RANBP17: variants seen among roughly 807,000 people sequenced by gnomAD.
RANBP17 encodes the protein RAN binding protein 17.
A neutral mutation model predicts 141.2 loss-of-function variants in RANBP17; 158 were observed. That is an observed-to-expected ratio of 1.12 (90% confidence interval 0.98 to 1.28). The LOEUF (loss-of-function observed/expected upper bound fraction) is 1.28, where lower values mean the gene tolerates loss of function less well. Ranked by LOEUF, RANBP17 falls within the 50% of genes most tolerant of loss-of-function variation. The pLI, the probability that RANBP17 is intolerant of heterozygous loss-of-function variation, is 0.00. For synonymous variants in RANBP17, 430 were observed against 450.0 expected (o/e 0.96, Z 0.56); for missense variants, 1,438 against 1,290.7 (o/e 1.11, Z -1.75).
At chr5:171,209,390 A>G (rs1372463824) in intron 20 of RANBP17, among the ~76,000 whole-genome samples, 2 of 152,208 alleles carry the variant, frequency 1.3e-5, no homozygotes, top group African/African-American at 4.8e-5. Context: ...TGACTAAGAA[A>G]ATCAGAATTG....
At chr5:171,234,594 T>C (rs1764419265) in intron 22 of RANBP17, among the ~76,000 whole-genome samples, 1 of 152,176 alleles carries the variant, frequency 6.6e-6, no homozygotes, top group Non-Finnish European at 1.5e-5. Context: ...GTGGGAGTGG[T>C]CAGATTCTGG....
At chr5:170,936,057 A>G (rs1231240377) in intron 12 of RANBP17, among the ~76,000 whole-genome samples, 1 of 152,180 alleles carries the variant, frequency 6.6e-6, no homozygotes, top group Admixed American at 6.5e-5. Flanking sequence ...TTGTGCTAGC[A>G]GTGAGCGAGG....
At chr5:171,056,663 A>C (rs541816458) in intron 14 of RANBP17, among the ~76,000 whole-genome samples, 2 of 152,138 alleles carry the variant, frequency 1.3e-5, no homozygotes, top group Non-Finnish European at 2.9e-5. Flanking sequence ...TTTGGACTTT[A>C]GGGGACCTAA....
At chr5:171,241,992 T>TC (rs936840393) in intron 23 of RANBP17, among the ~76,000 whole-genome samples, 11 of 151,652 alleles carry the variant, frequency 7.3e-5, no homozygotes, top group African/African-American at 2.4e-4. Context: ...TCTCTTTTTT[T>TC]CTTTTTTTTT....
chr5:171,002,973 CAGAA>C (rs1779325419), intron 14 of RANBP17, among the ~76,000 whole-genome samples: 1 of 151,984 alleles, frequency 6.6e-6, no homozygotes, highest in Non-Finnish European at 1.5e-5. Context: ...AGCCAGGGAG[CAGAA>C]AGTATATGTG....
chr5:171,004,550 G>A (rs377257937), intron 14 of RANBP17, among the ~76,000 whole-genome samples: 10 of 152,182 alleles, frequency 6.6e-5, no homozygotes, highest in East Asian at 1.9e-4. Context: ...CCCCCGTATC[G>A]ATTAAACAGG....
chr5:171,137,592 G>GTGTC (rs1488564578), intron 14 of RANBP17, among the ~76,000 whole-genome samples: 2 of 143,612 alleles, frequency 1.4e-5, no homozygotes, highest in Non-Finnish European at 3.0e-5. Context: ...GTGTGTGTGT[G>GTGTC]TGTGTGTGTG....
intron 16 of RANBP17, among the ~76,000 whole-genome samples, chr5:171,181,487 C>T (rs1046072256): frequency 1.3e-5 from 2 of 151,436 alleles, no homozygotes; most frequent in Non-Finnish European, 2.9e-5. Context: ...GTGCACTGAG[C>T]ACCTGCTGAG....
At chr5:170,985,642 C>T (rs1362661863) in intron 14 of RANBP17, among the ~76,000 whole-genome samples, 1 of 152,158 alleles carries the variant, frequency 6.6e-6, no homozygotes, top group East Asian at 1.9e-4. Flanking sequence ...CACGTGTGTG[C>T]ACTTGTGCAA....
intron 22 of RANBP17, among the ~76,000 whole-genome samples, chr5:171,231,725 C>T (rs1158816052): frequency 5.9e-5 from 9 of 151,448 alleles, no homozygotes; most frequent in East Asian, 3.9e-4. Context: ...TTTTCTTTTT[C>T]GGTTACTTGG....
chr5:171,029,341 A>G (rs1281705676), intron 14 of RANBP17: 3 of 152,558 alleles, frequency 2.0e-5, no homozygotes, highest in Non-Finnish European at 4.4e-5. Flanking sequence ...CCTTATCTTC[A>G]TTTTTATTTT....
At chr5:171,055,615 A>C (rs1388405681) in intron 14 of RANBP17, among the ~76,000 whole-genome samples, 1 of 152,100 alleles carries the variant, frequency 6.6e-6, no homozygotes, top group Non-Finnish European at 1.5e-5. Context: ...GGTTTGTACC[A>C]TCAAATACCT....
At chr5:170,886,123 T>C (rs1769119957) in intron 3 of RANBP17, among the ~76,000 whole-genome samples, 1 of 152,210 alleles carries the variant, frequency 6.6e-6, no homozygotes, top group Admixed American at 6.5e-5. Context: ...ATCCTTTTTA[T>C]ACAGTACCGT....
intron 24 of RANBP17, among the ~76,000 whole-genome samples, chr5:171,249,913 T>A (rs1251610821): frequency 6.6e-6 from 1 of 152,170 alleles, no homozygotes; most frequent in African/African-American, 2.4e-5. Context: ...AACTCAGTGA[T>A]CCCTAGGAAG....
At chr5:170,897,286 G>A in intron 5 of RANBP17, 1 of 629,408 alleles carries the variant, frequency 1.6e-6, no homozygotes, top group Non-Finnish European at 3.1e-6. Context: ...ATTGCTTGCA[G>A]TGTTTCTTTA....
chr5:171,096,128 A>T (rs901379942), intron 14 of RANBP17, among the ~76,000 whole-genome samples: 1 of 152,152 alleles, frequency 6.6e-6, no homozygotes, highest in Non-Finnish European at 1.5e-5. Context: ...TGGCAGGCAC[A>T]TTTGATGTAA....
intron 1 of RANBP17, among the ~76,000 whole-genome samples, chr5:170,877,073 A>G (rs1288561489): frequency 6.6e-6 from 1 of 152,020 alleles, no homozygotes; most frequent in Non-Finnish European, 1.5e-5. Context: ...CCAGATCGTC[A>G]TGAGATTAGA....
At chr5:170,918,912 C>G in intron 10 of RANBP17, 53 bp downstream of exon 10, 1 of 1,222,192 alleles carries the variant, frequency 8.2e-7, no homozygotes, top group Non-Finnish European at 1.1e-6. Flanking sequence ...AAAACAGCTT[C>G]TTGGTAAGGG....
chr5:171,040,100 C>T (rs146386648), intron 14 of RANBP17, among the ~76,000 whole-genome samples: 4 of 152,092 alleles, frequency 2.6e-5, no homozygotes, highest in African/African-American at 7.2e-5. Flanking sequence ...CTCTGATGAA[C>T]GTGGACAAAA....
Sources: gnomAD v4.1 joint callset for allele counts (sites outside exome capture counted in the v4.1 genomes callset) on GRCh38, gnomAD v4.1.1 for gene constraint, MANE v1.5 for transcripts, NCBI Gene and HGNC (gene_info 2026-07-23, HGNC 2026-07-21) for gene names.